Variants in FBN1 observed in about 807,000 individuals in gnomAD.
FBN1 encodes the protein fibrillin 1, also known as fibrillin-1.
FBN1 carries 29 observed loss-of-function variants against 365.1 expected under a neutral mutation model. The observed-to-expected ratio is 0.08, with a 90% CI of 0.06 to 0.11. The LOEUF is 0.11. Ranked by LOEUF, FBN1 falls within the 10% of genes least tolerant of loss-of-function variation. The pLI is 1.00. For synonymous variants in FBN1, 1,210 were observed against 1,270.5 expected, an observed-to-expected ratio of 0.95 and a Z score of 1.01; for missense variants, 2,476 against 3,703.2, an observed-to-expected ratio of 0.67 and a Z score of 8.60.
chr15:48,504,781 G>A (rs111248339), intron 16 of FBN1, among the ~76,000 whole-genome samples: 1,659 of 152,232 alleles, frequency 0.011, 13 homozygotes, highest in Non-Finnish European at 0.015. Flanking sequence ...AGACAGCTAC[G>A]GGATTAGGGA....
rs536118365 is a variant in FBN1 at position 48,627,598 on chromosome 15, T to C, written c.165-14506A>G. On this transcript the variant is annotated intron_variant, in intron 2 of 65. Coordinates refer to ENST00000316623, the MANE Select transcript of FBN1 (RefSeq NM_000138.5). ...TGTCTGACCCGGCTTAGGAAGACAA[T>C]GAGCTGCTCGAAGGCCTGGGTGATC... Among the ~76,000 whole-genome samples, 21 of 152,236 alleles carry C rather than the reference T, an allele frequency of 1.4e-4. 1 individual carries two copies. Among genetic ancestry groups the C allele is most frequent in the Admixed American group, 2.6e-4 (4 of 15,292 alleles).
chr15:48,465,709 C>A lies in FBN1; in HGVS notation c.4817-16G>T, dbSNP rs779371268. 4.3e-6 allele frequency: 7 copies of A among 1,613,930 alleles called. No homozygotes were observed. The highest frequency in any genetic ancestry group is 5.9e-6 in the Non-Finnish European group (7 of 1,179,924). ...TCATCAATATCTATCAAAATCAAAA[C>A]AAAGGCATTCCTTTAGCATTGTAAA... is the stretch of plus-strand genomic sequence containing the variant. On this transcript the variant is annotated splice_polypyrimidine_tract_variant and intron_variant, in intron 39 of 65. Coordinates refer to ENST00000316623, the MANE Select transcript of FBN1 (RefSeq NM_000138.5).
At chr15:48,554,681 T>A (rs1433680860) in intron 6 of FBN1, among the ~76,000 whole-genome samples, 2 of 152,318 alleles carry the variant, frequency 1.3e-5, no homozygotes, top group East Asian at 3.9e-4. Flanking sequence ...ACATGACATA[T>A]ACTCTGTAAA....
At chr15:48,552,470 C>T (rs1451347720) in intron 6 of FBN1, among the ~76,000 whole-genome samples, 2 of 151,456 alleles carry the variant, frequency 1.3e-5, no homozygotes, top group Non-Finnish European at 2.9e-5. Flanking sequence ...TGGGGTCTCC[C>T]TATGTTGCCC....
At chr15:48,628,280 A>C (rs1889923951) in intron 2 of FBN1, among the ~76,000 whole-genome samples, 1 of 151,580 alleles carries the variant, frequency 6.6e-6, no homozygotes, top group Admixed American at 6.6e-5. Flanking sequence ...CTAAGGTTGT[A>C]CTTGTTCCAA....
intron 2 of FBN1, among the ~76,000 whole-genome samples, chr15:48,633,866 C>G (rs1326265839): frequency 6.6e-6 from 1 of 152,166 alleles, no homozygotes; most frequent in African/African-American, 2.4e-5. Context: ...GCTCTCGCTA[C>G]CACGTGACTC....
chr15:48,644,389 A>G (rs1890252038), intron 2 of FBN1: 1 of 672,514 alleles, frequency 1.5e-6, no homozygotes, highest in Non-Finnish European at 2.6e-6. Context: ...CCAAGATTCC[A>G]TTTAACCACG....
At chr15:48,560,034 G>C (rs1198926195) in intron 6 of FBN1, among the ~76,000 whole-genome samples, 2 of 152,098 alleles carry the variant, frequency 1.3e-5, no homozygotes, top group African/African-American at 4.8e-5. Context: ...AGAATTCATG[G>C]GCCTCCTTTA....
chr15:48,551,620 G>A (rs2044142755), intron 6 of FBN1, among the ~76,000 whole-genome samples: 1 of 151,592 alleles, frequency 6.6e-6, no homozygotes, highest in Non-Finnish European at 1.5e-5. Context: ...CATCACCCAA[G>A]TATTAAGCCT....
At chr15:48,503,640 A>G (rs1380364652) in intron 17 of FBN1, 147 bp downstream of exon 17, 1 of 943,444 alleles carries the variant, frequency 1.1e-6, no homozygotes, top group African/African-American at 1.6e-5. Context: ...GTGACTAGAC[A>G]CTGGCTGGCC....
chr15:48,504,240 C>T (rs1028459355), intron 16 of FBN1, among the ~76,000 whole-genome samples: 4 of 152,146 alleles, frequency 2.6e-5, no homozygotes, highest in Non-Finnish European at 5.9e-5. Flanking sequence ...TTGTCTTTCT[C>T]GGGCCTGTGC....
intron 6 of FBN1, among the ~76,000 whole-genome samples, chr15:48,581,859 G>A (rs1403207726): frequency 1.3e-5 from 2 of 152,294 alleles, no homozygotes; most frequent in Admixed American, 6.5e-5. Flanking sequence ...AGTCTGGGCT[G>A]ACTGAGAAGA....
chr15:48,520,807 T>G lies in FBN1; in HGVS notation c.999A>C (p.Pro333=), dbSNP rs538080086. 3 of 1,614,052 alleles carry G rather than the reference T, an allele frequency of 1.9e-6. No individual in the cohort carries two copies. Among genetic ancestry groups the G allele is most frequent in the Non-Finnish European group, 2.5e-6 (3 of 1,180,042 alleles). ...PDGTRCIDVR[P]GYCYTALTNG... ...TTGTCAGAGCTGTGTAACAGTATCC[T>G]GGGCGAACATCTGAGGACAAAGAAA... is the stretch of plus-strand genomic sequence containing the variant. The change falls in exon 10 of 66, where the codon CCA becomes CCC. Residue 333 remains proline (P), a synonymous_variant. Coordinates refer to ENST00000316623, the MANE Select transcript of FBN1 (RefSeq NM_000138.5).
intron 6 of FBN1, among the ~76,000 whole-genome samples, chr15:48,586,283 G>A (rs1837504135): frequency 6.6e-6 from 1 of 152,010 alleles, no homozygotes; most frequent in Admixed American, 6.6e-5. Flanking sequence ...TGGGGTCCGG[G>A]AGGCCAGAGG....
chr15:48,440,849 T>C (rs1241437051), intron 50 of FBN1, among the ~76,000 whole-genome samples: 1 of 146,296 alleles, frequency 6.8e-6, no homozygotes, highest in Non-Finnish European at 1.5e-5. Flanking sequence ...TTAAATGATA[T>C]CCAGTGCCTC....
At chr15:48,616,336 T>C (rs1889651279) in intron 2 of FBN1, among the ~76,000 whole-genome samples, 1 of 152,248 alleles carries the variant, frequency 6.6e-6, no homozygotes, top group Non-Finnish European at 1.5e-5. Flanking sequence ...TCATTCTAAA[T>C]GCTATGTGGT....
intron 36 of FBN1, among the ~76,000 whole-genome samples, chr15:48,469,416 T>A (rs1232149927): frequency 6.6e-6 from 1 of 151,942 alleles, no homozygotes; most frequent in African/African-American, 2.4e-5. Flanking sequence ...CCATGCTGAG[T>A]TGAATATTTC....
chr15:48,589,222 A>G (rs1042039017), intron 6 of FBN1, among the ~76,000 whole-genome samples: 2 of 152,130 alleles, frequency 1.3e-5, no homozygotes, highest in African/African-American at 4.8e-5. Flanking sequence ...TGCCCCCATT[A>G]AAGGAACTAT....
chr15:48,571,688 T>C (rs985551591), intron 6 of FBN1, among the ~76,000 whole-genome samples: 1 of 152,182 alleles, frequency 6.6e-6, no homozygotes, highest in Non-Finnish European at 1.5e-5. Flanking sequence ...AACTTAGACA[T>C]GCAGGTGCAC....
Sources: allele counts gnomAD v4.1 joint callset (sites outside exome capture counted in the v4.1 genomes callset), GRCh38; gene constraint gnomAD v4.1.1; transcripts MANE v1.5; gene names NCBI Gene and HGNC (gene_info 2026-07-23, HGNC 2026-07-21).